The following CIMAP1D variants were observed in gnomAD, a reference collection of about 807,000 sequenced individuals.
The protein encoded by CIMAP1D is CIMAP1 family member D, also known as protein CIMAP1D.
the CIMAP1D span, chr19:464,092 C>T: frequency 4.3e-4 from 665 of 1,529,346 alleles, no homozygotes; most frequent in Non-Finnish European, 2.7e-4. Flanking sequence ...TCCGGGCTGT[C>T]GTACTGGCCC....
chr19:469,782 C>T, the CIMAP1D span, among the ~76,000 whole-genome samples: 1 of 152,162 alleles, frequency 6.6e-6, no homozygotes, highest in Non-Finnish European at 1.5e-5. Context: ...ACCACAGACT[C>T]GCCTCAAAGT....
the CIMAP1D span, among the ~76,000 whole-genome samples, chr19:487,656 T>TGA: frequency 6.6e-6 from 1 of 151,694 alleles, no homozygotes; most frequent in African/African-American, 2.4e-5. Context: ...GGCCACAGAG[T>TGA]GAGACCCTGT....
At chr19:476,449 C>T in the CIMAP1D span, among the ~76,000 whole-genome samples, 1 of 152,126 alleles carries the variant, frequency 6.6e-6, no homozygotes, top group Non-Finnish European at 1.5e-5. Context: ...CTCGGCCTCC[C>T]AAAGTGCTGG....
the CIMAP1D span, among the ~76,000 whole-genome samples, chr19:478,025 G>A: frequency 9.5e-3 from 1,446 of 152,274 alleles, 27 homozygotes; most frequent in African/African-American, 0.033. Flanking sequence ...CCCCTTCCTC[G>A]GTCACGAGGG....
the CIMAP1D span, among the ~76,000 whole-genome samples, chr19:481,714 G>T: frequency 2.8e-4 from 42 of 151,090 alleles, 1 homozygote; most frequent in South Asian, 4.0e-3. Context: ...GGTGTAGCCA[G>T]AAAGTTGATC....
the CIMAP1D span, among the ~76,000 whole-genome samples, chr19:483,842 C>T: frequency 7.0e-4 from 106 of 152,326 alleles, no homozygotes; most frequent in Middle Eastern, 3.4e-3. Flanking sequence ...ATCTTCCTTC[C>T]CTCTACCTGT....
chr19:465,102 A>AGTAG, the CIMAP1D span, among the ~76,000 whole-genome samples: 3 of 13,832 alleles, frequency 2.2e-4, 1 homozygote, highest in East Asian at 4.5e-3. Flanking sequence ...TGGATGGGTG[A>AGTAG]GTGGGTGGAT....
chr19:465,257 GT>G, the CIMAP1D span, among the ~76,000 whole-genome samples: 1 of 135,362 alleles, frequency 7.4e-6, no homozygotes, highest in Non-Finnish European at 1.6e-5. Context: ...GGGTGGATGG[GT>G]GGATGGATGG....
chr19:469,287 G>A, the CIMAP1D span, among the ~76,000 whole-genome samples: 55 of 150,026 alleles, frequency 3.7e-4, no homozygotes, highest in African/African-American at 1.3e-3. Context: ...AGTGGCTCAT[G>A]GCTCACTGCA....
chr19:480,083 C>G, the CIMAP1D span, among the ~76,000 whole-genome samples: 1 of 152,346 alleles, frequency 6.6e-6, no homozygotes, highest in African/African-American at 2.4e-5. Context: ...CGGAGAAGGT[C>G]ACGCTCCAGC....
At chr19:479,411 TGG>T in the CIMAP1D span, among the ~76,000 whole-genome samples, 6,985 of 33,346 alleles carry the variant, frequency 0.21, 349 homozygotes, top group Middle Eastern at 0.3. Context: ...TTTTTTTTTT[TGG>T]GGGGGGGGGG....
At chr19:477,643 CTTTATT>C in the CIMAP1D span, among the ~76,000 whole-genome samples, 1 of 152,028 alleles carries the variant, frequency 6.6e-6, no homozygotes, top group Non-Finnish European at 1.5e-5. Flanking sequence ...AAAAGCTGGT[CTTTATT>C]TTTATTTTTA....
At chr19:472,589 T>C in the CIMAP1D span, 308 of 934,628 alleles carry the variant, frequency 3.3e-4, no homozygotes, top group Non-Finnish European at 4.5e-4. Flanking sequence ...TTAGCCTGGG[T>C]TCCCCTCTCC....
chr19:466,054 ATGGATGAG>A, the CIMAP1D span, among the ~76,000 whole-genome samples: 1 of 129,546 alleles, frequency 7.7e-6, no homozygotes, highest in South Asian at 2.8e-4. Context: ...GGGTGGGTGG[ATGGATGAG>A]TAGATGGAAG....
At chr19:480,224 T>G in the CIMAP1D span, among the ~76,000 whole-genome samples, 2 of 152,188 alleles carry the variant, frequency 1.3e-5, no homozygotes, top group Admixed American at 6.5e-5. Context: ...CCCGTGCAGC[T>G]GGAGCAGCGT....
the CIMAP1D span, among the ~76,000 whole-genome samples, chr19:479,968 G>C: frequency 9.9e-3 from 1,504 of 152,078 alleles, 30 homozygotes; most frequent in African/African-American, 0.034. Flanking sequence ...TTGTCCCTTC[G>C]TTCAGTCTTA....
chr19:471,241 C>T, the CIMAP1D span, among the ~76,000 whole-genome samples: 3 of 149,746 alleles, frequency 2.0e-5, no homozygotes, highest in African/African-American at 7.4e-5. Context: ...ATCTGCCTCC[C>T]GGGTTCACGC....
the CIMAP1D span, chr19:464,498 C>T: frequency 1.6e-5 from 11 of 676,642 alleles, no homozygotes; most frequent in African/African-American, 1.1e-4. Flanking sequence ...TCTCTCCCTT[C>T]CCCATCCTCC....
At chr19:486,702 C>G in the CIMAP1D span, among the ~76,000 whole-genome samples, 7 of 151,748 alleles carry the variant, frequency 4.6e-5, no homozygotes, top group Non-Finnish European at 1.0e-4. Flanking sequence ...ATCACGAGAT[C>G]AGGAGATCGA....
Sources: gnomAD v4.1 joint callset for allele counts (sites outside exome capture counted in the v4.1 genomes callset) on GRCh38, gnomAD v4.1.1 for gene constraint, MANE v1.5 for transcripts, NCBI Gene and HGNC (gene_info 2026-07-23, HGNC 2026-07-21) for gene names.